Variants in MAP7 observed in about 807,000 individuals in gnomAD.
MAP7 encodes ensconsin.
Under a neutral mutation model 94.8 loss-of-function variants are expected in MAP7, and 52 were observed. That is an observed-to-expected ratio of 0.55 (90% CI 0.44 to 0.69). The LOEUF (loss-of-function observed/expected upper bound fraction) is 0.69. MAP7 is among the 30% of genes least tolerant of loss of function. The probability of loss-of-function intolerance (pLI) is 0.00; values close to 1 mark genes in which losing one functional copy is unlikely to be tolerated. For missense variants in MAP7, 940 were observed against 964.6 expected (o/e 0.97, Z 0.34); for synonymous variants, 350 against 357.0 (o/e 0.98, Z 0.22).
intron 1 of MAP7, among the ~76,000 whole-genome samples, chr6:136,512,998 GGTTTTGTTTT>G (rs111786683): frequency 1.3e-5 from 2 of 151,242 alleles, no homozygotes; most frequent in African/African-American, 4.9e-5. Context: ...CACCAAGCTA[GGTTTTGTTTT>G]GTTTTGTTTT....
At chr6:136,438,364 A>T (rs1332131911) in intron 1 of MAP7, among the ~76,000 whole-genome samples, 1 of 152,224 alleles carries the variant, frequency 6.6e-6, no homozygotes, top group Non-Finnish European at 1.5e-5. Flanking sequence ...AAAGGGTCTG[A>T]ATCTAACCTG....
intron 1 of MAP7, among the ~76,000 whole-genome samples, chr6:136,532,176 C>T (rs1164229597): frequency 6.6e-6 from 1 of 152,190 alleles, no homozygotes; most frequent in Non-Finnish European, 1.5e-5. Context: ...ATCATCAGCG[C>T]ACTGAGGAAG....
At chr6:136,517,086 T>G (rs761126411) in intron 1 of MAP7, among the ~76,000 whole-genome samples, 1 of 152,164 alleles carries the variant, frequency 6.6e-6, no homozygotes, top group Non-Finnish European at 1.5e-5. Flanking sequence ...GAATAACAGG[T>G]ACACTCCCTT....
intron 2 of MAP7, among the ~76,000 whole-genome samples, chr6:136,421,416 A>C (rs1791313642): frequency 6.6e-6 from 1 of 152,232 alleles, no homozygotes; most frequent in East Asian, 1.9e-4. Flanking sequence ...CACATACACC[A>C]TCTCATTGAT....
chr6:136,429,582 A>G (rs1394135340), intron 1 of MAP7, among the ~76,000 whole-genome samples: 1 of 152,216 alleles, frequency 6.6e-6, no homozygotes, highest in Non-Finnish European at 1.5e-5. Context: ...ACATGAGGAA[A>G]AGGATATTTC....
At chr6:136,383,396 T>C (rs1424897784) in intron 6 of MAP7, among the ~76,000 whole-genome samples, 1 of 152,244 alleles carries the variant, frequency 6.6e-6, no homozygotes, top group African/African-American at 2.4e-5. Flanking sequence ...GGGTGATTTC[T>C]GGAGCTGTAA....
At chr6:136,485,891 A>C (rs1382308723) in intron 1 of MAP7, among the ~76,000 whole-genome samples, 1 of 152,146 alleles carries the variant, frequency 6.6e-6, no homozygotes, top group Non-Finnish European at 1.5e-5. Context: ...TTTAAATAGA[A>C]CCTATAATGC....
intron 1 of MAP7, among the ~76,000 whole-genome samples, chr6:136,445,964 T>A (rs947579497): frequency 1.3e-5 from 2 of 152,230 alleles, no homozygotes; most frequent in Admixed American, 1.3e-4. Flanking sequence ...CTACCAGCAA[T>A]GAATTCTGCA....
intron 1 of MAP7, among the ~76,000 whole-genome samples, chr6:136,472,879 G>A (rs1809526516): frequency 6.6e-6 from 1 of 151,892 alleles, no homozygotes; most frequent in South Asian, 2.1e-4. Flanking sequence ...AACAGCTCAA[G>A]TAGCTCATCA....
chr6:136,366,271 G>A, intron 9 of MAP7, 56 bp downstream of exon 9: 1 of 1,338,318 alleles, frequency 7.5e-7, no homozygotes, highest in Non-Finnish European at 1.1e-6. Context: ...TCAGAGGAGA[G>A]AGCTACTAAT....
In MAP7 at chr6:136,408,449, T is replaced by C. The variant is rs1037803906; in HGVS notation, c.244+3171A>G. On this transcript the variant is annotated intron_variant, in intron 3 of 17. Coordinates refer to ENST00000354570, the MANE Select transcript of MAP7 (RefSeq NM_003980.6). ...TCCTGTTTGCAAAATAGTACAAATATGCCATAACACCAAGAACAAAATAAT... is the reference window on the plus strand; with the variant it reads ...TCCTGTTTGCAAAATAGTACAAATACGCCATAACACCAAGAACAAAATAAT... Among the ~76,000 whole-genome samples, 6 of 152,206 alleles carry C rather than the reference T, an allele frequency of 3.9e-5. No homozygotes were observed. In the East Asian group the frequency reaches 9.6e-4, roughly 24 times the overall value.
In MAP7 at chr6:136,550,261, G is replaced by A. The variant is rs1740148317; in HGVS notation, c.67+81C>T. The A allele has an allele frequency of 1.7e-5, 21 of 1,250,446 alleles. 1 individual carries two copies. In the South Asian group the frequency reaches 3.9e-4, roughly 23 times the overall value. 77.5% of individuals were successfully genotyped at this position (1,250,446 alleles called of 1,614,324 possible). On this transcript the variant is annotated intron_variant, in intron 1 of 17. Transcript: ENST00000354570. This position sits in a 1 kb window ranked among gnomAD's most constrained non-coding sequence, Gnocchi z 5.1. ...GGCGGGGAGGGGGCTGCCGGCGCCG[G>A]GTGATTTCGGTGCCAGCCCGCCGGC... is the stretch of plus-strand genomic sequence containing the variant.
chr6:136,455,582 T>C (rs1562420680), intron 1 of MAP7, among the ~76,000 whole-genome samples: 1 of 152,210 alleles, frequency 6.6e-6, no homozygotes, highest in Non-Finnish European at 1.5e-5. Flanking sequence ...TTAAGAAGAC[T>C]GAAATGACAC....
At chr6:136,396,603 C>T (rs994607984) in intron 3 of MAP7, among the ~76,000 whole-genome samples, 1 of 152,014 alleles carries the variant, frequency 6.6e-6, no homozygotes, top group African/African-American at 2.4e-5. Context: ...CTCCATAGTG[C>T]CTTTCAGAAC....
intron 1 of MAP7, among the ~76,000 whole-genome samples, chr6:136,442,014 A>G (rs1326275516): frequency 6.6e-6 from 1 of 151,960 alleles, no homozygotes; most frequent in African/African-American, 2.4e-5. Flanking sequence ...CCCTGTCTCA[A>G]CAACAACAAC....
At chr6:136,456,025 T>C (rs1477299295) in intron 1 of MAP7, among the ~76,000 whole-genome samples, 1 of 152,176 alleles carries the variant, frequency 6.6e-6, no homozygotes, top group African/African-American at 2.4e-5. Flanking sequence ...ATAACTTGCT[T>C]ACCCAGCCAC....
chr6:136,491,555 C>A (rs960844119), intron 1 of MAP7, among the ~76,000 whole-genome samples: 1 of 152,122 alleles, frequency 6.6e-6, no homozygotes, highest in Non-Finnish European at 1.5e-5. Flanking sequence ...GAACCACCAC[C>A]CTGTGGGCAA....
chr6:136,403,281 G>C (rs895297505), intron 3 of MAP7, among the ~76,000 whole-genome samples: 2 of 152,174 alleles, frequency 1.3e-5, no homozygotes, highest in Non-Finnish European at 2.9e-5. Context: ...CATCATCATG[G>C]TGAGATGTCG....
rs1554259490 is a variant in MAP7, at chr6:136,456,822, G to GAAGAAGAAGAAGAAGAAGAA, written c.68-35024_68-35023insTTCTTCTTCTTCTTCTTCTT. Among the ~76,000 whole-genome samples, 72 of 68,992 alleles carry GAAGAAGAAGAAGAAGAAGAA rather than the reference G, an allele frequency of 1.0e-3. 1 individual carries two copies. The highest frequency in any genetic ancestry group is 8.2e-3 in the Middle Eastern group (1 of 122). The allele number at this position is 68,992 out of a possible 152,430, so 45.3% of individuals were successfully genotyped here. On this transcript the variant is annotated intron_variant, in intron 1 of 17. Transcript: ENST00000354570. ...AGAAGAAGAAGAAGAAGAAGAAGAA[G>GAAGAAGAAGAAGAAGAAGAA]GAAGAAGAAGAAGAAGAAGAAGAAG...
Sources: gnomAD v4.1 joint callset for allele counts (sites outside exome capture counted in the v4.1 genomes callset) on GRCh38, gnomAD v4.1.1 for gene constraint, Gnocchi (gnomAD v3.1) non-coding constraint, MANE v1.5 for transcripts, NCBI Gene and HGNC (gene_info 2026-07-23, HGNC 2026-07-21) for gene names.